SNRPN: variants seen among roughly 807,000 people sequenced by gnomAD.
The protein encoded by SNRPN is small nuclear ribonucleoprotein-associated protein N.
Under a neutral mutation model 25.2 loss-of-function variants are expected in SNRPN, and 7 were observed. The observed-to-expected ratio is 0.28, with a 90% CI of 0.16 to 0.52. The LOEUF is 0.52. Ranked by LOEUF, SNRPN falls within the 20% of genes least tolerant of loss-of-function variation. SNRPN has a pLI of 0.96. For missense variants in SNRPN, 196 were observed against 322.5 expected (o/e 0.61, Z 3.00); for synonymous variants, 124 against 110.6 (o/e 1.12, Z -0.76).
intron 2 of SNRPN, among the ~76,000 whole-genome samples, chr15:24,840,011 C>T (rs1008970183): frequency 8.5e-5 from 13 of 152,152 alleles, no homozygotes; most frequent in African/African-American, 2.7e-4. Flanking sequence ...ATTCTGGCCA[C>T]GAGGTGCCCA....
intron 4 of SNRPN, 116 bp from the exon 5 acceptor site, chr15:24,975,242 T>C (rs2076934834): frequency 6.6e-6 from 5 of 760,802 alleles, no homozygotes; most frequent in Non-Finnish European, 1.1e-5. Flanking sequence ...GGAGAGAATA[T>C]TTGTTTAGTT....
At chr15:24,895,277 C>T (rs566564546) in intron 2 of SNRPN, among the ~76,000 whole-genome samples, 40 of 152,166 alleles carry the variant, frequency 2.6e-4, no homozygotes, top group African/African-American at 9.6e-4. Context: ...GTGAGAAAGT[C>T]CTTCCTACAC....
chr15:24,963,184 T>C (rs752513798), intron 2 of SNRPN, among the ~76,000 whole-genome samples: 14 of 152,226 alleles, frequency 9.2e-5, no homozygotes, highest in South Asian at 4.1e-4. Flanking sequence ...TCTTTTCATA[T>C]CAGTACACAT....
chr15:24,905,814 T>C (rs1427564407), intron 2 of SNRPN, among the ~76,000 whole-genome samples: 1 of 152,154 alleles, frequency 6.6e-6, no homozygotes, highest in Non-Finnish European at 1.5e-5. Flanking sequence ...GTTAGGAAGG[T>C]AGTGACAGTC....
chr15:24,954,923 A>C (rs373436366), upstream of SNRPN: 5 of 1,406,870 alleles, frequency 3.6e-6, no homozygotes, highest in African/African-American at 5.6e-5. Flanking sequence ...CCGCAGAGGC[A>C]GGCTGGCGCG....
At chr15:24,947,720 C>T (rs2061968694) in intron 3 of SNRPN, among the ~76,000 whole-genome samples, 1 of 152,196 alleles carries the variant, frequency 6.6e-6, no homozygotes, top group Admixed American at 6.5e-5. Context: ...CTTTCCACCC[C>T]TTCCAAAAGT....
At chr15:24,928,780 T>A (rs777943135) in intron 3 of SNRPN, among the ~76,000 whole-genome samples, 20 of 152,062 alleles carry the variant, frequency 1.3e-4, no homozygotes, top group African/African-American at 2.7e-4. Context: ...TATTTTTTTT[T>A]AATTTTCTAT....
chr15:24,921,486 G>A (rs897765076), intron 3 of SNRPN, among the ~76,000 whole-genome samples: 4 of 152,140 alleles, frequency 2.6e-5, no homozygotes, highest in East Asian at 3.9e-4. Context: ...ACTGTGATAC[G>A]GAATCCTAAG....
At chr15:24,936,797 C>T (rs898645419) in intron 3 of SNRPN, among the ~76,000 whole-genome samples, 2 of 152,124 alleles carry the variant, frequency 1.3e-5, no homozygotes, top group East Asian at 1.9e-4. Flanking sequence ...CCAGGCCCCA[C>T]GTCCAACATT....
At chr15:24,909,283 G>T (rs1736437999) in intron 2 of SNRPN, 2 of 1,601,444 alleles carry the variant, frequency 1.2e-6, no homozygotes, top group Non-Finnish European at 1.7e-6. Context: ...CATAACCAGG[G>T]AATTGTTTGG....
chr15:24,902,813 T>C (rs2058549350), intron 2 of SNRPN, among the ~76,000 whole-genome samples: 1 of 151,996 alleles, frequency 6.6e-6, no homozygotes, highest in South Asian at 2.1e-4. Flanking sequence ...CTCGTAAAGG[T>C]AGTGTGGACC....
chr15:24,918,712 A>ATC (rs1478588761), intron 2 of SNRPN, among the ~76,000 whole-genome samples: 3 of 110,832 alleles, frequency 2.7e-5, no homozygotes, highest in African/African-American at 1.0e-4. Flanking sequence ...GTGTGCATAT[A>ATC]TATAACATAA....
chr15:24,963,245 T>C (rs915352739), intron 2 of SNRPN, among the ~76,000 whole-genome samples: 20 of 152,216 alleles, frequency 1.3e-4, no homozygotes, highest in Non-Finnish European at 2.1e-4. Flanking sequence ...ATTATTATTG[T>C]AATCGTTAGC....
intron 2 of SNRPN, among the ~76,000 whole-genome samples, chr15:24,966,761 T>C (rs2075700548): frequency 6.6e-6 from 1 of 152,180 alleles, no homozygotes; most frequent in Admixed American, 6.5e-5. Context: ...AATTTTAAAA[T>C]GTTACTGAAA....
At chr15:24,900,557 A>G (rs1339267715) in intron 2 of SNRPN, among the ~76,000 whole-genome samples, 1 of 152,212 alleles carries the variant, frequency 6.6e-6, no homozygotes, top group Non-Finnish European at 1.5e-5. Context: ...AAAGTCCCCT[A>G]CAAATCATCA....
Position 24,974,404 on chromosome 15 carries a change from A to T in SNRPN, c.-50A>T. ...ATCTATAGCCTTCCCCTAGGTCTTCAGAAGCATCAAGTTTTAACTGTGGAC... is the reference window on the plus strand; with the variant it reads ...ATCTATAGCCTTCCCCTAGGTCTTCTGAAGCATCAAGTTTTAACTGTGGAC... On this transcript the variant is annotated 5_prime_UTR_variant, in exon 4 of 10. Transcript: ENST00000390687. 6.3e-7 allele frequency: 1 copy of T among 1,598,140 alleles called. No homozygotes were observed. Among genetic ancestry groups the T allele is most frequent in the Non-Finnish European group, 8.6e-7 (1 of 1,165,542 alleles).
rs777204652 is a variant in SNRPN, at chr15:24,968,049, A to G, written c.-177A>G. The G allele has an allele frequency of 1.2e-6, 2 of 1,611,674 alleles. No individual in the cohort carries two copies. The highest frequency in any genetic ancestry group is 2.7e-5 in the African/African-American group (2 of 74,866). Reference sequence around the variant, plus strand: ...CAAGAGGTGGTTAAAGCCATATTGGAGTAGCGAGGAATCTGATTCCAAGCA... The same window carrying G: ...CAAGAGGTGGTTAAAGCCATATTGGGGTAGCGAGGAATCTGATTCCAAGCA... On this transcript the variant is annotated 5_prime_UTR_variant, in exon 3 of 10. Transcript: ENST00000390687.
chr15:24,875,214 T>G (rs926338510), intron 1 of SNRPN, among the ~76,000 whole-genome samples: 3 of 152,164 alleles, frequency 2.0e-5, no homozygotes, highest in African/African-American at 7.2e-5. Flanking sequence ...CTCACAACAT[T>G]TCAAGAGGTA....
At chr15:24,838,843 TCC>T (rs2051440967) in intron 2 of SNRPN, among the ~76,000 whole-genome samples, 3 of 151,956 alleles carry the variant, frequency 2.0e-5, no homozygotes, top group Admixed American at 1.3e-4. Context: ...CCTGATCCTG[TCC>T]CCCAACACTG....
Sources: allele counts gnomAD v4.1 joint callset (sites outside exome capture counted in the v4.1 genomes callset), GRCh38; gene constraint gnomAD v4.1.1; transcripts MANE v1.5; gene names NCBI Gene and HGNC (gene_info 2026-07-23, HGNC 2026-07-21).